SEMA4B: variants seen among roughly 807,000 people sequenced by gnomAD.
The protein encoded by SEMA4B is semaphorin 4B.
SEMA4B carries 55 observed loss-of-function variants against 88.1 expected under a neutral mutation model. That is an observed-to-expected ratio of 0.62 (90% CI 0.50 to 0.78). The LOEUF (loss-of-function observed/expected upper bound fraction) is 0.78, where lower values mean the gene tolerates loss of function less well. Ranked by LOEUF, SEMA4B falls within the 30% of genes least tolerant of loss-of-function variation. The probability of loss-of-function intolerance (pLI) is 0.00; values close to 1 mark genes in which losing one functional copy is unlikely to be tolerated. For missense variants in SEMA4B, 1,062 were observed against 1,111.9 expected (o/e 0.96, Z 0.64); for synonymous variants, 525 against 473.6 (o/e 1.11, Z -1.41).
chr15:90,221,730 A>C lies in SEMA4B; in HGVS notation c.826A>C (p.Asn276His). 1 of 1,613,912 alleles carries C rather than the reference A, an allele frequency of 6.2e-7. No individual in the cohort carries two copies. The highest frequency in any genetic ancestry group is 8.5e-7 in the Non-Finnish European group (1 of 1,179,888). ...ETGQEFEFFE[N>H]TIVSRIARIC... ...TGGCCAGGAATTTGAGTTCTTTGAG[A>C]ACACCATTGTGTCCCGCATTGCCCG... The change falls in exon 7 of 14, where the codon AAC becomes CAC. Residue 276 changes from asparagine (N) to histidine (H), a missense_variant. Physicochemically the swap from Asn to His is moderately conservative, Grantham distance 68. Transcript: ENST00000411539.
At position 90,229,312 on chromosome 15, in the gene SEMA4B, C is replaced by T. The variant is rs765176905; in HGVS notation, c.*669C>T. ...CAGCCTGTATCAGGCTGTGGCCACACGAGAGGACAGCGCGAGCTCAGGAGA... is the reference window on the plus strand; with the variant it reads ...CAGCCTGTATCAGGCTGTGGCCACATGAGAGGACAGCGCGAGCTCAGGAGA... On this transcript the variant is annotated 3_prime_UTR_variant, in exon 14 of 14. Transcript: ENST00000411539. 6 of 456,792 alleles carry T rather than the reference C, an allele frequency of 1.3e-5. No individual in the cohort carries two copies. The highest frequency in any genetic ancestry group is 4.6e-5 in the South Asian group (3 of 64,578). The allele number at this position is 456,792 out of a possible 1,614,324, so 28.3% of individuals were successfully genotyped here.
intron 1 of SEMA4B, among the ~76,000 whole-genome samples, chr15:90,189,058 G>A (rs141508071): frequency 6.6e-6 from 1 of 152,180 alleles, no homozygotes; most frequent in Admixed American, 6.6e-5. Flanking sequence ...CCTTAAACTT[G>A]AGCAATACTT....
At chr15:90,203,456 A>G (rs565419083) in intron 1 of SEMA4B, among the ~76,000 whole-genome samples, 1 of 152,312 alleles carries the variant, frequency 6.6e-6, no homozygotes, top group South Asian at 2.1e-4. Context: ...GGACCATGTC[A>G]AAAGACGGTA....
At chr15:90,192,199 C>T (rs868126168) in intron 1 of SEMA4B, among the ~76,000 whole-genome samples, 6 of 152,190 alleles carry the variant, frequency 3.9e-5, no homozygotes, top group African/African-American at 1.4e-4. Context: ...GCGGGTGGGA[C>T]CTTTGGGTTC....
chr15:90,223,695 A>C lies in SEMA4B; in HGVS notation c.998A>C (p.Gln333Pro). Reference sequence around the variant, plus strand: ...GTCTTCACGCTGAGCCCCAGCCCCCAGGACTGGCGTGACACCCTTTTCTAT... The same window carrying C: ...GTCTTCACGCTGAGCCCCAGCCCCCCGGACTGGCGTGACACCCTTTTCTAT... ...QDVFTLSPSP[Q>P]DWRDTLFYGV... The change falls in exon 8 of 14, where the codon CAG becomes CCG. Residue 333 changes from glutamine to proline, a missense_variant. By Grantham distance (76) the Gln-to-Pro change is moderately conservative (BLOSUM62 -1). Transcript: ENST00000411539. The C allele has an allele frequency of 6.2e-7, 1 of 1,612,600 alleles. No individual in the cohort carries two copies. Among genetic ancestry groups the C allele is most frequent in the Non-Finnish European group, 8.5e-7 (1 of 1,179,040 alleles).
intron 1 of SEMA4B, among the ~76,000 whole-genome samples, chr15:90,209,182 C>T (rs1328780504): frequency 6.6e-6 from 1 of 152,130 alleles, no homozygotes; most frequent in African/African-American, 2.4e-5. Flanking sequence ...CTGCTGGGAG[C>T]TCACCTGACC....
At chr15:90,207,006 C>G in intron 1 of SEMA4B, 1 of 458,026 alleles carries the variant, frequency 2.2e-6, no homozygotes, top group South Asian at 2.0e-5. Context: ...CAAAAAAAGC[C>G]TGGTGCCCAC....
chr15:90,213,770 T>C (rs925480450), intron 1 of SEMA4B, among the ~76,000 whole-genome samples: 2 of 152,226 alleles, frequency 1.3e-5, no homozygotes, highest in Non-Finnish European at 2.9e-5. Context: ...GAACCAGCCC[T>C]TGCTTCCAGA....
Position 90,223,848 on chromosome 15 carries a change from A to G in SEMA4B, c.1054A>G (p.Thr352Ala). 6.2e-7 allele frequency: 1 copy of G among 1,613,900 alleles called. No individual in the cohort carries two copies. The highest frequency in any genetic ancestry group is 8.5e-7 in the Non-Finnish European group (1 of 1,179,848). The change falls in exon 9 of 14, where the codon ACT becomes GCT. Residue 352 changes from threonine to alanine, a missense_variant. Transcript: ENST00000411539. ...TTATTTCCTCTGCAGGCACAGGGGA[A>G]CTACAGAAGGCTCTGCCGTCTGTGT... ...GVFTSQWHRGTTEGSAVCVFT... is the reference protein window; with the variant it reads ...GVFTSQWHRGATEGSAVCVFT...
chr15:90,222,234 C>CTAG (rs1961892670), intron 7 of SEMA4B, among the ~76,000 whole-genome samples: 2 of 143,162 alleles, frequency 1.4e-5, no homozygotes, highest in Non-Finnish European at 3.0e-5. Context: ...GCCACTGCAC[C>CTAG]CAGCCATTTT....
intron 1 of SEMA4B, among the ~76,000 whole-genome samples, chr15:90,216,613 G>A (rs571077509): frequency 2.0e-5 from 3 of 152,242 alleles, no homozygotes; most frequent in South Asian, 4.1e-4. Context: ...GGAGGCTGAC[G>A]CGGGCAGATC....
intron 12 of SEMA4B, among the ~76,000 whole-genome samples, chr15:90,226,326 C>G (rs2151627905): frequency 6.6e-6 from 1 of 152,108 alleles, no homozygotes; most frequent in African/African-American, 2.4e-5. Flanking sequence ...AACAAAAATC[C>G]TTTTATTTTA....
At chr15:90,226,808 A>T (rs1183155540) in intron 12 of SEMA4B, among the ~76,000 whole-genome samples, 1 of 152,086 alleles carries the variant, frequency 6.6e-6, no homozygotes, top group East Asian at 1.9e-4. Flanking sequence ...TGGCTGGTAG[A>T]TGCTGTGATT....
rs185923525 is a variant in SEMA4B, at chr15:90,194,319, G to A, written c.-121-7139G>A. 9.9e-5 allele frequency among the ~76,000 whole-genome samples: 15 copies of A among 151,964 alleles called. No homozygotes were observed. The East Asian group carries it at 2.9e-3, about 30-fold the overall frequency. On this transcript the variant is annotated intron_variant, in intron 1 of 14. Transcript: ENST00000332496. ...GGCCAAGGCAGGTGGCTCACCTGAG[G>A]TCAAAAGTTCGAGACCAGCCGTGAC...
intron 7 of SEMA4B, 97 bp from the exon 8 acceptor site, chr15:90,223,462 G>A: frequency 9.0e-7 from 1 of 1,116,580 alleles, no homozygotes; most frequent in South Asian, 1.8e-5. Context: ...CTTCAGTCCT[G>A]GTGTCTGGGG....
rs1325933841 is a variant in SEMA4B, at chr15:90,201,337, G to A, written c.-242G>A. 6 of 1,205,166 alleles carry A rather than the reference G, an allele frequency of 5.0e-6. No individual in the cohort carries two copies. Among genetic ancestry groups the A allele is most frequent in the Non-Finnish European group, 6.2e-6 (6 of 970,388 alleles). The allele number at this position is 1,205,166 out of a possible 1,614,324, so 74.7% of individuals were successfully genotyped here. A position where few individuals can be genotyped will look rare whatever the true frequency, so the allele number is the denominator to read the frequency against. ...TCAGCCCCGCCCTCCGCCGCTTGCG[G>A]GTGAGCTCTGCCCAAGCCGAGGCTG... On this transcript the variant is annotated 5_prime_UTR_variant, in exon 1 of 14. Transcript: ENST00000411539.
Position 90,204,627 on chromosome 15 carries a change from G to T in SEMA4B, c.157+2892G>T, listed in dbSNP as rs8031344. 3.5e-3 allele frequency among the ~76,000 whole-genome samples: 531 copies of T among 152,282 alleles called. 3 individuals carry two copies. The highest frequency in any genetic ancestry group is 0.012 in the African/African-American group (481 of 41,554). ...TACCATGCAGAGCTCCAGGACCAAA[G>T]CCTCGGTCAGGAGCAGGAGTGGTGC... On this transcript the variant is annotated intron_variant, in intron 1 of 13. Transcript: ENST00000411539.
chr15:90,186,827 C>T (rs1052882268), intron 1 of SEMA4B, among the ~76,000 whole-genome samples: 10 of 151,522 alleles, frequency 6.6e-5, no homozygotes, highest in Non-Finnish European at 1.0e-4. Context: ...CAGCTACTCG[C>T]GAGGCTGAGA....
At chr15:90,197,422 G>C (rs367611450), upstream of SEMA4B, among the ~76,000 whole-genome samples, 28 of 151,970 alleles carry the variant, frequency 1.8e-4, 1 homozygote, top group South Asian at 3.3e-3. Flanking sequence ...GAAGATTTAG[G>C]TGCTAGATCT....
Sources: allele counts gnomAD v4.1 joint callset (sites outside exome capture counted in the v4.1 genomes callset), GRCh38; gene constraint gnomAD v4.1.1; transcripts MANE v1.5; gene names NCBI Gene and HGNC (gene_info 2026-07-23, HGNC 2026-07-21).